Variants in TMCC1 observed in about 807,000 individuals in gnomAD.
TMCC1 encodes transmembrane and coiled-coil domains protein 1.
A neutral mutation model predicts 52.4 loss-of-function variants in TMCC1; 15 were observed. The ratio of observed to expected loss-of-function variants is 0.29; its 90% confidence interval spans 0.19 to 0.44. The LOEUF is 0.44. Among genes scored for constraint, TMCC1 ranks in the 20% least tolerant of loss-of-function variants. TMCC1 has a pLI of 1.00. For missense variants in TMCC1, 503 were observed against 806.0 expected, an observed-to-expected ratio of 0.62 and a Z score of 4.55; for synonymous variants, 279 against 301.9, an observed-to-expected ratio of 0.92 and a Z score of 0.79.
chr3:129,808,395 T>C (rs766135277), intron 4 of TMCC1, among the ~76,000 whole-genome samples: 12 of 151,654 alleles, frequency 7.9e-5, no homozygotes, highest in Non-Finnish European at 1.6e-4. Flanking sequence ...GGCAAGAGAA[T>C]AGCTTGAACC....
intron 1 of TMCC1, among the ~76,000 whole-genome samples, chr3:129,892,969 A>G (rs1393535059): frequency 1.3e-5 from 2 of 152,148 alleles, no homozygotes; most frequent in African/African-American, 2.4e-5. Context: ...TATTCTCCCC[A>G]GTACGCCGGG....
intron 2 of TMCC1, among the ~76,000 whole-genome samples, chr3:129,851,974 A>G (rs2059933477): frequency 6.6e-6 from 1 of 151,550 alleles, no homozygotes. Flanking sequence ...ACATAATGAG[A>G]CCTTGTCTCC....
intron 2 of TMCC1, among the ~76,000 whole-genome samples, chr3:129,874,515 G>A (rs983621379): frequency 5.3e-5 from 8 of 152,030 alleles, no homozygotes; most frequent in East Asian, 1.9e-4. Flanking sequence ...CAAGATCAGC[G>A]TTGTCAACAT....
chr3:129,750,516 A>G (rs2052399907), intron 4 of TMCC1, among the ~76,000 whole-genome samples: 1 of 150,394 alleles, frequency 6.6e-6, no homozygotes, highest in African/African-American at 2.4e-5. Context: ...ATATATTCAT[A>G]TCCTTTGAAT....
chr3:129,736,070 C>T (rs1271396156), intron 4 of TMCC1, among the ~76,000 whole-genome samples: 1 of 152,188 alleles, frequency 6.6e-6, no homozygotes, highest in Non-Finnish European at 1.5e-5. Context: ...CCTCTTCTGG[C>T]TCTCATATGA....
intron 2 of TMCC1, among the ~76,000 whole-genome samples, chr3:129,846,753 G>A (rs923412099): frequency 1.3e-5 from 2 of 151,428 alleles, no homozygotes; most frequent in Non-Finnish European, 2.9e-5. Context: ...TGCTGGCCAG[G>A]CATAGTGGCT....
intron 4 of TMCC1, among the ~76,000 whole-genome samples, chr3:129,729,214 C>T (rs1280798193): frequency 1.3e-5 from 2 of 152,050 alleles, no homozygotes; most frequent in African/African-American, 4.8e-5. Context: ...TTGTTCTCTG[C>T]ATCCTTGTCA....
At chr3:129,866,404 T>A (rs1006338011) in intron 2 of TMCC1, among the ~76,000 whole-genome samples, 1 of 137,296 alleles carries the variant, frequency 7.3e-6, no homozygotes, top group Non-Finnish European at 1.5e-5. Context: ...TGAGACAGAG[T>A]TTCGCTCTTG....
At chr3:129,680,784 C>T (rs564250977) in intron 4 of TMCC1, among the ~76,000 whole-genome samples, 44 of 152,010 alleles carry the variant, frequency 2.9e-4, no homozygotes, top group Non-Finnish European at 4.9e-4. Context: ...GCCTGTAATC[C>T]GAGCTACTTG....
chr3:129,840,622 G>C (rs1377574816), intron 2 of TMCC1, among the ~76,000 whole-genome samples: 1 of 152,130 alleles, frequency 6.6e-6, no homozygotes, highest in East Asian at 1.9e-4. Context: ...GAGGCGACTG[G>C]ATCACGGGGG....
intron 2 of TMCC1, among the ~76,000 whole-genome samples, chr3:129,867,289 T>G (rs1367916816): frequency 1.3e-5 from 2 of 152,330 alleles, no homozygotes; most frequent in East Asian, 3.9e-4. Flanking sequence ...ATCTCCATGC[T>G]TTCATCCATG....
chr3:129,825,312 A>G (rs1314084249), intron 4 of TMCC1, among the ~76,000 whole-genome samples: 1 of 152,252 alleles, frequency 6.6e-6, no homozygotes, highest in African/African-American at 2.4e-5. Flanking sequence ...TTCCAGGTAC[A>G]GCCAGGCATT....
chr3:129,865,047 G>A (rs1436379475), intron 2 of TMCC1, among the ~76,000 whole-genome samples: 2 of 152,198 alleles, frequency 1.3e-5, no homozygotes, highest in Non-Finnish European at 2.9e-5. Flanking sequence ...ACACCACAAA[G>A]TGGTAAGAGC....
At chr3:129,869,322 G>A (rs2060806711) in intron 2 of TMCC1, among the ~76,000 whole-genome samples, 1 of 152,116 alleles carries the variant, frequency 6.6e-6, no homozygotes, top group Non-Finnish European at 1.5e-5. Flanking sequence ...CTTGCCCTAT[G>A]TATTTATTTC....
chr3:129,739,388 A>G (rs1285739395), intron 4 of TMCC1, among the ~76,000 whole-genome samples: 1 of 152,060 alleles, frequency 6.6e-6, no homozygotes, highest in African/African-American at 2.4e-5. Context: ...GGCTGTCTCA[A>G]ACTCCTGACC....
intron 4 of TMCC1, among the ~76,000 whole-genome samples, chr3:129,762,563 G>C (rs1404022317): frequency 6.6e-6 from 1 of 151,950 alleles, no homozygotes; most frequent in Non-Finnish European, 1.5e-5. Context: ...CAAGGCGGGA[G>C]AACTGCTTGA....
intron 4 of TMCC1, among the ~76,000 whole-genome samples, chr3:129,784,265 C>CA (rs895291172): frequency 1.3e-5 from 2 of 151,848 alleles, no homozygotes; most frequent in African/African-American, 4.8e-5. Flanking sequence ...AGGTTTATAT[C>CA]GGGGTAAGTT....
At chr3:129,868,094 C>T (rs887636908) in intron 2 of TMCC1, among the ~76,000 whole-genome samples, 7 of 152,038 alleles carry the variant, frequency 4.6e-5, no homozygotes, top group Non-Finnish European at 7.3e-5. Flanking sequence ...AAGAAGACAA[C>T]GCCCACATCT....
At chr3:129,688,564 C>T (rs887996490) in intron 4 of TMCC1, 58 of 985,426 alleles carry the variant, frequency 5.9e-5, no homozygotes, top group Non-Finnish European at 6.6e-5. Context: ...CTCCGCAGTG[C>T]CCACCTCAGC....
Sources: allele counts gnomAD v4.1 joint callset (sites outside exome capture counted in the v4.1 genomes callset), GRCh38; gene constraint gnomAD v4.1.1; transcripts MANE v1.5; gene names NCBI Gene and HGNC (gene_info 2026-07-23, HGNC 2026-07-21).